The following C1QTNF3 variants were observed in gnomAD, a reference collection of about 807,000 sequenced individuals.
The protein encoded by C1QTNF3 is C1q and TNF related 3, also known as complement C1q tumor necrosis factor-related protein 3.
A neutral mutation model predicts 32.6 loss-of-function variants in C1QTNF3; 26 were observed. The observed-to-expected ratio is 0.80, with a 90% CI of 0.58 to 1.11. The LOEUF is 1.11. Among genes scored for constraint, C1QTNF3 ranks in the 50% least tolerant of loss-of-function variants. The pLI is 0.00. For missense variants in C1QTNF3, 362 were observed against 398.2 expected (o/e 0.91, Z 0.77); for synonymous variants, 155 against 146.0 (o/e 1.06, Z -0.44).
chr5:34,084,419 ATC>A, the C1QTNF3 span, among the ~76,000 whole-genome samples: 1 of 151,776 alleles, frequency 6.6e-6, no homozygotes, highest in African/African-American at 2.4e-5. Flanking sequence ...AGATAAACGT[ATC>A]TCTATCCAAT....
the C1QTNF3 span, among the ~76,000 whole-genome samples, chr5:34,223,913 G>A: frequency 4.4e-4 from 67 of 152,150 alleles, no homozygotes; most frequent in African/African-American, 1.5e-3. Flanking sequence ...CATTGTCTCA[G>A]CCCAAAATCT....
At chr5:34,123,180 T>C in the C1QTNF3 span, among the ~76,000 whole-genome samples, 1 of 152,082 alleles carries the variant, frequency 6.6e-6, no homozygotes, top group Admixed American at 6.6e-5. Context: ...GGACAGGCTA[T>C]CACAGAGAGC....
intron 4 of C1QTNF3, among the ~76,000 whole-genome samples, chr5:34,024,695 G>A (rs1469996840): frequency 6.6e-6 from 1 of 152,146 alleles, no homozygotes; most frequent in Non-Finnish European, 1.5e-5. Context: ...TTTAATAAGA[G>A]CCTAGGGCTC....
the C1QTNF3 span, among the ~76,000 whole-genome samples, chr5:34,178,104 TAAAAAAAAA>T: frequency 1.3e-5 from 1 of 76,480 alleles, no homozygotes. Flanking sequence ...TCATCTCTAC[TAAAAAAAAA>T]AAAAAAAAAA....
chr5:34,217,239 T>C, the C1QTNF3 span, among the ~76,000 whole-genome samples: 9 of 152,170 alleles, frequency 5.9e-5, no homozygotes, highest in African/African-American at 2.2e-4. Context: ...ATATGTTTAT[T>C]AACTATTAGG....
the C1QTNF3 span, among the ~76,000 whole-genome samples, chr5:34,067,155 C>T: frequency 6.6e-6 from 1 of 152,318 alleles, no homozygotes; most frequent in Admixed American, 6.5e-5. Flanking sequence ...GATTCATTGT[C>T]CATATCCTTG....
the C1QTNF3 span, among the ~76,000 whole-genome samples, chr5:34,204,111 T>G: frequency 4.7e-5 from 7 of 149,298 alleles, no homozygotes; most frequent in African/African-American, 1.5e-4. Context: ...TTAAATGTTA[T>G]CATCAAGACA....
At chr5:34,230,690 C>G in the C1QTNF3 span, among the ~76,000 whole-genome samples, 1 of 152,040 alleles carries the variant, frequency 6.6e-6, no homozygotes, top group South Asian at 2.1e-4. Context: ...TCAAATTCAC[C>G]ATATTTCAAG....
chr5:34,205,774 T>G, the C1QTNF3 span, among the ~76,000 whole-genome samples: 1 of 149,228 alleles, frequency 6.7e-6, no homozygotes, highest in East Asian at 2.0e-4. Context: ...TGTAAGAATA[T>G]ACACATTGTT....
chr5:34,081,823 C>T, the C1QTNF3 span, among the ~76,000 whole-genome samples: 1 of 151,388 alleles, frequency 6.6e-6, no homozygotes, highest in Non-Finnish European at 1.5e-5. Flanking sequence ...TAAAATATTT[C>T]CAAAATTATT....
chr5:34,058,021 G>C, the C1QTNF3 span, among the ~76,000 whole-genome samples: 5 of 152,178 alleles, frequency 3.3e-5, no homozygotes, highest in Admixed American at 2.0e-4. Flanking sequence ...ATCCTTGACA[G>C]AAAAGAAGAA....
At chr5:34,036,730 T>C (rs531973892) in intron 1 of C1QTNF3, among the ~76,000 whole-genome samples, 4 of 152,252 alleles carry the variant, frequency 2.6e-5, no homozygotes, top group African/African-American at 7.2e-5. Context: ...GGCAGGTGGA[T>C]CACCTGAGGT....
chr5:34,123,528 C>A, the C1QTNF3 span, among the ~76,000 whole-genome samples: 1 of 151,808 alleles, frequency 6.6e-6, no homozygotes, highest in Non-Finnish European at 1.5e-5. Context: ...TCAGAAAAAT[C>A]TTTCTTAACT....
chr5:34,056,247 G>A, the C1QTNF3 span, among the ~76,000 whole-genome samples: 1 of 151,760 alleles, frequency 6.6e-6, no homozygotes, highest in East Asian at 1.9e-4. Context: ...AGGGGAGTGA[G>A]GGAACAGAGT....
At chr5:34,134,802 T>C in the C1QTNF3 span, among the ~76,000 whole-genome samples, 1 of 152,218 alleles carries the variant, frequency 6.6e-6, no homozygotes, top group African/African-American at 2.4e-5. Flanking sequence ...AAGTTGCTTA[T>C]CAACTTAAGG....
the C1QTNF3 span, chr5:34,166,062 T>C: frequency 6.7e-6 from 1 of 150,082 alleles, no homozygotes; most frequent in Admixed American, 6.7e-5. Flanking sequence ...ATTGATTTAA[T>C]TTGGCAAAAA....
the C1QTNF3 span, among the ~76,000 whole-genome samples, chr5:34,197,753 A>G: frequency 2.0e-5 from 3 of 151,948 alleles, no homozygotes; most frequent in Non-Finnish European, 1.5e-5. Flanking sequence ...TCGCTATAGA[A>G]TACCATAGAC....
the C1QTNF3 span, among the ~76,000 whole-genome samples, chr5:34,072,419 A>G: frequency 8.2e-6 from 1 of 122,692 alleles, no homozygotes; most frequent in South Asian, 2.7e-4. Context: ...GAAAGAAAGA[A>G]AGAACAGAAA....
At chr5:34,147,397 A>G in the C1QTNF3 span, among the ~76,000 whole-genome samples, 2 of 152,244 alleles carry the variant, frequency 1.3e-5, no homozygotes, top group Non-Finnish European at 2.9e-5. Flanking sequence ...CAGCAAAGAC[A>G]TGGAATCAAC....
Sources: gnomAD v4.1 joint callset for allele counts (sites outside exome capture counted in the v4.1 genomes callset) on GRCh38, gnomAD v4.1.1 for gene constraint, MANE v1.5 for transcripts, NCBI Gene and HGNC (gene_info 2026-07-23, HGNC 2026-07-21) for gene names.